TMC2: variants seen among roughly 807,000 people sequenced by gnomAD.
The protein encoded by TMC2 is transmembrane channel like 2.
In TMC2, 102 loss-of-function variants were observed where a neutral mutation model predicts 105.9. The observed-to-expected ratio is 0.96, with a 90% CI of 0.82 to 1.14. The LOEUF is 1.14. Ranked by LOEUF, TMC2 falls within the 50% of genes most tolerant of loss-of-function variation. TMC2 has a pLI of 0.00. For synonymous variants in TMC2, 402 were observed against 422.8 expected (o/e 0.95, Z 0.60); for missense variants, 1,093 against 1,134.3 (o/e 0.96, Z 0.52).
At chr20:2,615,212 C>T (rs1375014905) in intron 14 of TMC2, among the ~76,000 whole-genome samples, 1 of 152,126 alleles carries the variant, frequency 6.6e-6, no homozygotes, top group African/African-American at 2.4e-5. Flanking sequence ...ATCCCAGCTA[C>T]TTGGGAGGCT....
chr20:2,592,304 C>T lies in TMC2; in HGVS notation c.835-6C>T. ...TCATACTTGTGTCATTGTGTTTCTG[C>T]ACAAGGTACTGATGGGCATGCCCTA... is the stretch of plus-strand genomic sequence containing the variant. On this transcript the variant is annotated splice_region_variant and splice_polypyrimidine_tract_variant and intron_variant, in intron 7 of 19. Coordinates refer to ENST00000358864, the MANE Select transcript of TMC2 (RefSeq NM_080751.3). This position sits in a 1 kb window ranked among gnomAD's most constrained non-coding sequence, Gnocchi z 4.9. The T allele has an allele frequency of 6.2e-7, 1 of 1,602,692 alleles. No individual in the cohort carries two copies. Among genetic ancestry groups the T allele is most frequent in the Non-Finnish European group, 8.5e-7 (1 of 1,169,904 alleles).
At chr20:2,625,396 C>T (rs955776382) in intron 17 of TMC2, among the ~76,000 whole-genome samples, 9 of 152,138 alleles carry the variant, frequency 5.9e-5, no homozygotes, top group Non-Finnish European at 1.2e-4. Context: ...TTTCTTCCTC[C>T]CTCCCCAAAG....
chr20:2,614,529 C>G (rs6037114), intron 14 of TMC2, among the ~76,000 whole-genome samples: 1 of 152,080 alleles, frequency 6.6e-6, no homozygotes, highest in Non-Finnish European at 1.5e-5. Flanking sequence ...CCCTTGATCC[C>G]TTGATCACAC....
intron 3 of TMC2, among the ~76,000 whole-genome samples, chr20:2,559,033 G>A (rs2086006106): frequency 6.6e-6 from 1 of 152,236 alleles, no homozygotes; most frequent in South Asian, 2.1e-4. Context: ...CGTGGCACCC[G>A]GTGAGGCGGG....
Position 2,616,129 on chromosome 20 carries a change from C to T in TMC2, c.1873-8C>T. 6.2e-7 allele frequency: 1 copy of T among 1,611,460 alleles called. No homozygotes were observed. The highest frequency in any genetic ancestry group is 8.5e-7 in the Non-Finnish European group (1 of 1,177,784). On this transcript the variant is annotated splice_polypyrimidine_tract_variant and splice_region_variant and intron_variant, in intron 14 of 19. Coordinates refer to ENST00000358864, the MANE Select transcript of TMC2 (RefSeq NM_080751.3). The surrounding 1 kb of genome is among the most constrained non-coding windows in gnomAD (Gnocchi z 4.8). ...TCTCTCTCTCTCGCTCCCTCCCTCCCTCTCTAGCCTTCATATGCTGAGTTT... is the reference window on the plus strand; with the variant it reads ...TCTCTCTCTCTCGCTCCCTCCCTCCTTCTCTAGCCTTCATATGCTGAGTTT...
chr20:2,603,078 T>A (rs2086363559), intron 11 of TMC2, among the ~76,000 whole-genome samples: 1 of 152,196 alleles, frequency 6.6e-6, no homozygotes, highest in Admixed American at 6.5e-5. Flanking sequence ...GTGAATAATC[T>A]CTGGCTAGCC....
At chr20:2,607,721 T>C (rs751375420) in intron 11 of TMC2, among the ~76,000 whole-genome samples, 5 of 152,240 alleles carry the variant, frequency 3.3e-5, no homozygotes, top group Non-Finnish European at 7.4e-5. Flanking sequence ...TTGTAGCCAC[T>C]TGTATTTAAG....
rs576621466 is a variant in TMC2, at chr20:2,625,149, C to G, written c.2306+753C>G. On this transcript the variant is annotated intron_variant, in intron 17 of 19. Coordinates refer to ENST00000358864, the MANE Select transcript of TMC2 (RefSeq NM_080751.3). ...AGTCTTGGATTGGAATTGTTGCCAT[C>G]AAAAAATGTGCTAGTAAAAATGTTA... Among the ~76,000 whole-genome samples the G allele has an allele frequency of 1.1e-4, 16 of 152,174 alleles. No individual in the cohort carries two copies. The South Asian group carries it at 1.5e-3, about 14-fold the overall frequency.
intron 1 of TMC2, 93 bp downstream of exon 1, chr20:2,536,748 AG>A (rs2122782839): frequency 1.4e-6 from 2 of 1,413,354 alleles, no homozygotes; most frequent in South Asian, 2.5e-5. Context: ...TCAGAGGCAT[AG>A]GGAGGAGCTG....
At chr20:2,575,167 A>G (rs75315060) in intron 5 of TMC2, among the ~76,000 whole-genome samples, 5,572 of 152,166 alleles carry the variant, frequency 0.037, 350 homozygotes, top group African/African-American at 0.13. Context: ...ATTTTTTCCA[A>G]TGAAGAATGT....
chr20:2,643,576 TTGTA>T (rs1235918248), exon 20 of TMC2, among the ~76,000 whole-genome samples: 9 of 152,208 alleles, frequency 5.9e-5, no homozygotes, highest in African/African-American at 2.2e-4. Context: ...TTATGTATTA[TTGTA>T]TGTAGTTTCT....
At chr20:2,588,667 AT>A (rs1188031583) in intron 7 of TMC2, among the ~76,000 whole-genome samples, 3 of 134,284 alleles carry the variant, frequency 2.2e-5, no homozygotes, top group African/African-American at 9.4e-5. Context: ...GACTACATAT[AT>A]GTGTGTGCCT....
Position 2,592,475 on chromosome 20 carries a change from G to T in TMC2, c.933+67G>T. On this transcript the variant is annotated intron_variant, in intron 8 of 19. Transcript: ENST00000358864. This position sits in a 1 kb window ranked among gnomAD's most constrained non-coding sequence, Gnocchi z 4.9. ...TAAAGGCTAAAGATTGCATGGATAA[G>T]TATGAAATAGTGCGTTTAATTATTG... The T allele has an allele frequency of 9.5e-7, 1 of 1,055,662 alleles. No individual in the cohort carries two copies. The highest frequency in any genetic ancestry group is 1.3e-5 in the South Asian group (1 of 79,150). The allele number at this position is 1,055,662 out of a possible 1,614,324, so 65.4% of individuals were successfully genotyped here. A position where few individuals can be genotyped will look rare whatever the true frequency, so the allele number is the denominator to read the frequency against.
In TMC2 at chr20:2,642,568, GA is replaced by G. The variant is rs911089923; in HGVS notation, c.*1218del. On this transcript the variant is annotated 3_prime_UTR_variant, in exon 20 of 20. Transcript: ENST00000358864. ...TACAATGCAGAGCGTTGTCTCTGGG[GA>G]TTCTATGTTCACTTAGTGTCATATC... Among the ~76,000 whole-genome samples the G allele has an allele frequency of 1.2e-4, 18 of 152,194 alleles. No homozygotes were observed. The highest frequency in any genetic ancestry group is 1.3e-4 in the Admixed American group (2 of 15,276).
At chr20:2,544,337 A>G (rs970990071) in intron 2 of TMC2, among the ~76,000 whole-genome samples, 11 of 152,172 alleles carry the variant, frequency 7.2e-5, no homozygotes, top group African/African-American at 1.7e-4. Flanking sequence ...GACAAATACT[A>G]AGAGAAGGAT....
intron 5 of TMC2, among the ~76,000 whole-genome samples, chr20:2,573,566 T>C (rs897042341): frequency 1.4e-5 from 2 of 145,170 alleles, no homozygotes; most frequent in Admixed American, 6.8e-5. Flanking sequence ...CTTTTCTTTT[T>C]TTTTTTTTTT....
intron 4 of TMC2, among the ~76,000 whole-genome samples, chr20:2,563,925 G>A (rs538993776): frequency 1.3e-5 from 2 of 151,804 alleles, no homozygotes; most frequent in African/African-American, 2.4e-5. Context: ...ACAGGGTCTC[G>A]CTATGTTGCC....
chr20:2,642,081 T>A lies in TMC2; in HGVS notation c.*730T>A, dbSNP rs1271556149. On this transcript the variant is annotated 3_prime_UTR_variant, in exon 20 of 20. Coordinates refer to ENST00000358864, the MANE Select transcript of TMC2 (RefSeq NM_080751.3). ...GTCTGGGCAACAGAGTGAGACGCTG[T>A]CTTAACAACAACAAGTCTGGCCAGG... Among the ~76,000 whole-genome samples, 2 of 90,152 alleles carry A rather than the reference T, an allele frequency of 2.2e-5. No homozygotes were observed. The highest frequency in any genetic ancestry group is 1.5e-3 in the East Asian group (2 of 1,296). 59.1% of individuals were successfully genotyped at this position (90,152 alleles called of 152,430 possible).
intron 16 of TMC2, among the ~76,000 whole-genome samples, chr20:2,620,510 T>C (rs2086517252): frequency 1.3e-5 from 2 of 152,224 alleles, no homozygotes; most frequent in South Asian, 4.1e-4. Context: ...AAAGATCATG[T>C]GGGACTCTCT....
Sources: gnomAD v4.1 joint callset for allele counts (sites outside exome capture counted in the v4.1 genomes callset) on GRCh38, gnomAD v4.1.1 for gene constraint, Gnocchi (gnomAD v3.1) non-coding constraint, MANE v1.5 for transcripts, NCBI Gene and HGNC (gene_info 2026-07-23, HGNC 2026-07-21) for gene names.